The following PCDHA10 variants were observed in gnomAD, a reference collection of about 807,000 sequenced individuals.
PCDHA10 encodes the protein protocadherin alpha-10.
A neutral mutation model predicts 61.2 loss-of-function variants in PCDHA10; 45 were observed. The observed-to-expected ratio is 0.74, with a 90% CI of 0.58 to 0.94. The LOEUF is 0.94. Among genes scored for constraint, PCDHA10 ranks in the 40% least tolerant of loss-of-function variants. PCDHA10 has a pLI of 0.00. For synonymous variants in PCDHA10, 602 were observed against 548.8 expected (o/e 1.10, Z -1.35); for missense variants, 1,278 against 1,236.2 (o/e 1.03, Z -0.51).
At chr5:140,952,885 A>G (rs1285549724) in intron 1 of PCDHA10, among the ~76,000 whole-genome samples, 1 of 152,174 alleles carries the variant, frequency 6.6e-6, no homozygotes, top group Non-Finnish European at 1.5e-5. Flanking sequence ...TCATGGTGGA[A>G]GGCAAAGGGG....
intron 1 of PCDHA10, among the ~76,000 whole-genome samples, chr5:140,874,171 G>C (rs2054750145): frequency 6.6e-6 from 1 of 152,080 alleles, no homozygotes; most frequent in Admixed American, 6.5e-5. Flanking sequence ...ACTCTTTCCT[G>C]GTGTTGTAAA....
At chr5:140,871,350 C>G (rs782168219) in intron 1 of PCDHA10, 1 of 1,614,194 alleles carries the variant, frequency 6.2e-7, no homozygotes, top group East Asian at 2.2e-5. Context: ...GCTGGTCATA[C>G]TCGCAGCAGA....
At chr5:140,883,226 G>T (rs572696678) in intron 1 of PCDHA10, 82 of 1,613,938 alleles carry the variant, frequency 5.1e-5, no homozygotes, top group South Asian at 4.2e-4. Flanking sequence ...TGAAATATCC[G>T]TGGAGGCAGT....
intron 1 of PCDHA10, chr5:140,966,979 C>T (rs1554229021): frequency 2.5e-6 from 4 of 1,603,612 alleles, no homozygotes; most frequent in Admixed American, 1.7e-5. Context: ...AGCTGCGGCG[C>T]TTGGGGCCGG....
chr5:140,866,320 C>T (rs1351694984), intron 1 of PCDHA10: 2 of 152,154 alleles, frequency 1.3e-5, no homozygotes, highest in African/African-American at 2.4e-5. Context: ...ATTTCAGGGA[C>T]CCTGAACTTG....
intron 1 of PCDHA10, among the ~76,000 whole-genome samples, chr5:140,975,946 A>T (rs989122714): frequency 6.6e-6 from 1 of 152,210 alleles, no homozygotes; most frequent in Non-Finnish European, 1.5e-5. Context: ...AATAGGACAT[A>T]TTAGAGTTCT....
chr5:140,986,753 A>C (rs2097211895), intron 3 of PCDHA10, among the ~76,000 whole-genome samples: 1 of 152,236 alleles, frequency 6.6e-6, no homozygotes, highest in Non-Finnish European at 1.5e-5. Flanking sequence ...CTGGGACTAA[A>C]CAGTGAAAGA....
At chr5:140,970,006 A>G (rs2096376265) in intron 1 of PCDHA10, among the ~76,000 whole-genome samples, 1 of 152,158 alleles carries the variant, frequency 6.6e-6, no homozygotes, top group Non-Finnish European at 1.5e-5. Context: ...GAGGGAGTGG[A>G]TGATGGTGAG....
intron 1 of PCDHA10, among the ~76,000 whole-genome samples, chr5:140,937,326 C>A (rs1287239556): frequency 2.0e-5 from 3 of 152,046 alleles, no homozygotes; most frequent in African/African-American, 7.2e-5. Flanking sequence ...CGTGAGCCAC[C>A]GCGCCCGGCT....
chr5:140,876,924 G>A, intron 1 of PCDHA10: 4 of 1,613,824 alleles, frequency 2.5e-6, no homozygotes, highest in Non-Finnish European at 3.4e-6. Flanking sequence ...ACGCGGACGC[G>A]CAGAAGAACG....
At chr5:140,939,335 T>A (rs1195092720) in intron 1 of PCDHA10, among the ~76,000 whole-genome samples, 2 of 152,080 alleles carry the variant, frequency 1.3e-5, no homozygotes, top group Non-Finnish European at 2.9e-5. Context: ...ATCTTAGGGG[T>A]TAGCATTTCA....
At chr5:140,968,345 G>A in intron 1 of PCDHA10, 2 of 1,614,132 alleles carry the variant, frequency 1.2e-6, no homozygotes, top group Non-Finnish European at 8.5e-7. Flanking sequence ...CATTAACAGT[G>A]CCAGTGGCAG....
intron 1 of PCDHA10, among the ~76,000 whole-genome samples, chr5:140,888,210 T>C (rs1395913579): frequency 6.6e-6 from 1 of 152,082 alleles, no homozygotes; most frequent in East Asian, 1.9e-4. Flanking sequence ...ATGCTGGATT[T>C]TGTGTGTGTG....
chr5:140,869,878 A>T, intron 1 of PCDHA10: 1 of 1,610,122 alleles, frequency 6.2e-7, no homozygotes, highest in Non-Finnish European at 8.5e-7. Flanking sequence ...TGCTAAAGAA[A>T]CTCTTGTGCT....
intron 1 of PCDHA10, among the ~76,000 whole-genome samples, chr5:140,947,921 C>A (rs1327858146): frequency 6.6e-6 from 1 of 151,536 alleles, no homozygotes; most frequent in African/African-American, 2.4e-5. Context: ...CTTGCCTTAA[C>A]CCTGATCTTA....
chr5:140,936,674 T>C (rs1410690822), intron 1 of PCDHA10, among the ~76,000 whole-genome samples: 6 of 152,228 alleles, frequency 3.9e-5, no homozygotes, highest in African/African-American at 1.4e-4. Context: ...GGACTGTCTA[T>C]TCTGTTTCAT....
chr5:140,891,225 T>C (rs1554184733), intron 1 of PCDHA10, among the ~76,000 whole-genome samples: 1 of 152,222 alleles, frequency 6.6e-6, no homozygotes, highest in Non-Finnish European at 1.5e-5. Context: ...TTTATAATCA[T>C]CCTGTTCTGG....
intron 1 of PCDHA10, among the ~76,000 whole-genome samples, chr5:140,880,397 A>C (rs1420314604): frequency 6.6e-6 from 1 of 152,246 alleles, no homozygotes; most frequent in Non-Finnish European, 1.5e-5. Context: ...TTTTAAGAGC[A>C]TATGGTTGAC....
chr5:140,923,171 G>T (rs1236853762), intron 1 of PCDHA10, among the ~76,000 whole-genome samples: 1 of 152,112 alleles, frequency 6.6e-6, no homozygotes, highest in Non-Finnish European at 1.5e-5. Flanking sequence ...ATAAATTTTT[G>T]TTCAGATGCA....
Sources: gnomAD v4.1 joint callset for allele counts (sites outside exome capture counted in the v4.1 genomes callset) on GRCh38, gnomAD v4.1.1 for gene constraint, MANE v1.5 for transcripts, NCBI Gene and HGNC (gene_info 2026-07-23, HGNC 2026-07-21) for gene names.